The following MRTFA variants were observed in gnomAD, a reference collection of about 807,000 sequenced individuals.
MRTFA encodes myocardin related transcription factor A, also known as myocardin-related transcription factor A.
MRTFA carries 20 observed loss-of-function variants against 83.5 expected under a neutral mutation model. The observed-to-expected ratio is 0.24, with a 90% CI of 0.17 to 0.35. The LOEUF (loss-of-function observed/expected upper bound fraction) is 0.35. MRTFA is among the 10% of genes least tolerant of loss of function. The pLI is 1.00. For missense variants in MRTFA, 1,200 were observed against 1,224.7 expected (o/e 0.98, Z 0.30); for synonymous variants, 659 against 541.2 (o/e 1.22, Z -3.02).
At chr22:40,488,601 G>A (rs935168269) in intron 3 of MRTFA, among the ~76,000 whole-genome samples, 14 of 152,064 alleles carry the variant, frequency 9.2e-5, no homozygotes, top group African/African-American at 2.9e-4. Flanking sequence ...AGAGGCCAAG[G>A]CGGGCGGATC....
At chr22:40,533,887 G>C (rs972148831) in intron 3 of MRTFA, 5 of 342,898 alleles carry the variant, frequency 1.5e-5, no homozygotes, top group African/African-American at 4.2e-5. Context: ...AGTGTGGTTA[G>C]AACAGTGAGC....
At chr22:40,595,287 T>A (rs187471432) in intron 1 of MRTFA, among the ~76,000 whole-genome samples, 116 of 149,512 alleles carry the variant, frequency 7.8e-4, no homozygotes, top group Non-Finnish European at 1.2e-3. Flanking sequence ...CGTCGGGCTA[T>A]TTTTTTTTGT....
intron 2 of MRTFA, among the ~76,000 whole-genome samples, chr22:40,566,688 C>T (rs1422097717): frequency 3.9e-5 from 6 of 152,050 alleles, no homozygotes; most frequent in East Asian, 1.9e-4. Context: ...AAACAATTAG[C>T]GGAGCATGGT....
intron 6 of MRTFA, among the ~76,000 whole-genome samples, chr22:40,430,361 G>A (rs2053042979): frequency 6.6e-6 from 1 of 151,914 alleles, no homozygotes; most frequent in South Asian, 2.1e-4. Context: ...GGTGGCATGT[G>A]CCTGTAGTCC....
intron 3 of MRTFA, among the ~76,000 whole-genome samples, chr22:40,471,238 A>C (rs1290634150): frequency 2.0e-5 from 3 of 148,872 alleles, no homozygotes; most frequent in Admixed American, 6.7e-5. Context: ...AAAAAAAAAA[A>C]AAAAAAAAAC....
chr22:40,476,381 T>C (rs1328843841), intron 3 of MRTFA, among the ~76,000 whole-genome samples: 1 of 152,188 alleles, frequency 6.6e-6, no homozygotes, highest in Admixed American at 6.5e-5. Flanking sequence ...TCTTGAGCCC[T>C]ACCCTGTCCT....
At chr22:40,500,508 G>C (rs1421915120) in intron 3 of MRTFA, among the ~76,000 whole-genome samples, 3 of 150,654 alleles carry the variant, frequency 2.0e-5, no homozygotes, top group Admixed American at 1.3e-4. Flanking sequence ...GTGAACAAAG[G>C]TCTCTGGTTT....
chr22:40,420,620 T>A (rs1372597676), intron 10 of MRTFA, 44 bp from the exon 11 acceptor site: 2 of 1,599,560 alleles, frequency 1.3e-6, no homozygotes, highest in Non-Finnish European at 1.7e-6. Context: ...GCTTCGCCCG[T>A]GGCCTCTGCA....
chr22:40,530,020 AAG>A (rs1450279474), intron 3 of MRTFA, among the ~76,000 whole-genome samples: 1 of 152,218 alleles, frequency 6.6e-6, no homozygotes, highest in Non-Finnish European at 1.5e-5. Context: ...ATGCCTCATT[AAG>A]ATCAGATTTA....
chr22:40,441,816 G>GTATA (rs754885390), intron 4 of MRTFA, among the ~76,000 whole-genome samples: 27 of 119,994 alleles, frequency 2.3e-4, no homozygotes, highest in Middle Eastern at 8.1e-3. Context: ...ATGTATGTAT[G>GTATA]TGTATATATA....
chr22:40,436,867 TA>T (rs1269403251), intron 4 of MRTFA, among the ~76,000 whole-genome samples: 3 of 152,164 alleles, frequency 2.0e-5, no homozygotes, highest in Non-Finnish European at 4.4e-5. Flanking sequence ...AAGGAGCTGC[TA>T]AAAGTAGCAA....
chr22:40,483,372 ATT>A (rs550051844), intron 3 of MRTFA, among the ~76,000 whole-genome samples: 49 of 139,334 alleles, frequency 3.5e-4, no homozygotes, highest in Admixed American at 2.2e-4. Context: ...ACCTAAAGTA[ATT>A]TTTTTTTTTT....
chr22:40,429,424 TC>T (rs1191600133), intron 7 of MRTFA, 181 bp downstream of exon 7: 6 of 737,138 alleles, frequency 8.1e-6, no homozygotes, highest in Admixed American at 4.0e-5. Flanking sequence ...ACAGGCACTA[TC>T]CCAAGTTCAT....
intron 2 of MRTFA, among the ~76,000 whole-genome samples, chr22:40,576,871 A>G (rs1234790198): frequency 2.0e-5 from 3 of 152,198 alleles, no homozygotes; most frequent in Non-Finnish European, 2.9e-5. Context: ...GCCTGAGCCC[A>G]GGACTTCATA....
At chr22:40,448,890 C>T (rs892123138) in intron 4 of MRTFA, among the ~76,000 whole-genome samples, 5 of 152,204 alleles carry the variant, frequency 3.3e-5, no homozygotes, top group Non-Finnish European at 7.3e-5. Context: ...CCAGGCTTTT[C>T]CGAGCATTGG....
chr22:40,519,653 A>C, intron 3 of MRTFA: 1 of 1,240,616 alleles, frequency 8.1e-7, no homozygotes, highest in Non-Finnish European at 1.0e-6. Context: ...AAGCAATAGA[A>C]TGTTCCATAA....
chr22:40,435,458 A>G (rs2053149715), intron 5 of MRTFA, 41 bp downstream of exon 5: 2 of 1,597,322 alleles, frequency 1.3e-6, no homozygotes, highest in Non-Finnish European at 1.7e-6. Context: ...AGCTCTGAAA[A>G]TGCTCTTTGG....
chr22:40,575,790 T>C (rs1427296395), intron 2 of MRTFA, among the ~76,000 whole-genome samples: 1 of 152,174 alleles, frequency 6.6e-6, no homozygotes, highest in Non-Finnish European at 1.5e-5. Context: ...TTACTTTCAA[T>C]AGCAAAACTG....
At chr22:40,550,197 T>G (rs936251790) in intron 3 of MRTFA, among the ~76,000 whole-genome samples, 1 of 152,044 alleles carries the variant, frequency 6.6e-6, no homozygotes, top group African/African-American at 2.4e-5. Context: ...TTTTTTTTTT[T>G]CTTTCTACTT....
Sources: gnomAD v4.1 joint callset for allele counts (sites outside exome capture counted in the v4.1 genomes callset) on GRCh38, gnomAD v4.1.1 for gene constraint, MANE v1.5 for transcripts, NCBI Gene and HGNC (gene_info 2026-07-23, HGNC 2026-07-21) for gene names.